TACR3: variants seen among roughly 807,000 people sequenced by gnomAD.
TACR3 encodes neuromedin-K receptor.
In TACR3, 34 loss-of-function variants were observed where a neutral mutation model predicts 35.0. That is an observed-to-expected ratio of 0.97 (90% CI 0.74 to 1.30). TACR3 has a LOEUF of 1.30. Among genes scored for constraint, TACR3 ranks in the 50% most tolerant of loss-of-function variants. The pLI is 0.00. For missense variants in TACR3, 558 were observed against 591.7 expected (o/e 0.94, Z 0.59); for synonymous variants, 233 against 221.1 (o/e 1.05, Z -0.48).
chr4:103,716,942 A>T (rs1258344825), intron 1 of TACR3, among the ~76,000 whole-genome samples: 1 of 152,172 alleles, frequency 6.6e-6, no homozygotes, highest in African/African-American at 2.4e-5. Context: ...ACCATGATTC[A>T]GTGTCAACCT....
intron 3 of TACR3, among the ~76,000 whole-genome samples, chr4:103,595,711 TC>T (rs953615088): frequency 2.0e-5 from 3 of 151,408 alleles, no homozygotes; most frequent in Non-Finnish European, 1.5e-5. Context: ...GGGGTCATAT[TC>T]TTTTTTTTTT....
intron 1 of TACR3, among the ~76,000 whole-genome samples, chr4:103,683,192 G>A (rs2110210809): frequency 6.6e-6 from 1 of 151,882 alleles, no homozygotes; most frequent in South Asian, 2.1e-4. Context: ...AAAAACCTGT[G>A]GGATTCAACT....
intron 3 of TACR3, among the ~76,000 whole-genome samples, chr4:103,605,656 C>T (rs1484778078): frequency 6.6e-6 from 1 of 152,060 alleles, no homozygotes; most frequent in African/African-American, 2.4e-5. Context: ...ATGTCCTTCA[C>T]CCACTTTTCG....
At chr4:103,652,647 C>T (rs775322110) in intron 3 of TACR3, among the ~76,000 whole-genome samples, 5 of 152,082 alleles carry the variant, frequency 3.3e-5, no homozygotes, top group African/African-American at 7.2e-5. Context: ...TTCTATTTGA[C>T]CATCCTGCTC....
intron 3 of TACR3, among the ~76,000 whole-genome samples, chr4:103,636,925 C>G (rs1414901290): frequency 6.6e-6 from 1 of 152,072 alleles, no homozygotes; most frequent in Non-Finnish European, 1.5e-5. Context: ...ATAACAGGCT[C>G]TGAAATTGTG....
At chr4:103,627,377 A>AG in intron 3 of TACR3, among the ~76,000 whole-genome samples, 2 of 139,014 alleles carry the variant, frequency 1.4e-5, no homozygotes, top group Admixed American at 7.3e-5. Context: ...AAAAAAAAAA[A>AG]GCTGGGCATG....
chr4:103,681,474 G>C (rs1722087989), intron 1 of TACR3, among the ~76,000 whole-genome samples: 1 of 151,946 alleles, frequency 6.6e-6, no homozygotes. Flanking sequence ...AAGTAAAATG[G>C]TAGAAAAAGA....
intron 3 of TACR3, among the ~76,000 whole-genome samples, chr4:103,600,352 C>T (rs1188134193): frequency 6.6e-6 from 1 of 151,996 alleles, no homozygotes; most frequent in Non-Finnish European, 1.5e-5. Flanking sequence ...CTCTTTTCTT[C>T]TTTATTAGTC....
At position 103,588,060 on chromosome 4, in the gene TACR3, T is replaced by C. The variant is rs1278498882; in HGVS notation, c.*1622A>G. On this transcript the variant is annotated 3_prime_UTR_variant, in exon 5 of 5. Coordinates refer to ENST00000304883, the MANE Select transcript of TACR3 (RefSeq NM_001059.3). Reference sequence around the variant, plus strand: ...AGCTGGAACACATATGTTTAGCTTGTTTAGACTCCGAACTTTTTGTAACAA... The same window carrying C: ...AGCTGGAACACATATGTTTAGCTTGCTTAGACTCCGAACTTTTTGTAACAA... The C allele has an allele frequency of 1.3e-5, 2 of 151,972 alleles. No individual in the cohort carries two copies. Among genetic ancestry groups the C allele is most frequent in the Admixed American group, 1.3e-4 (2 of 15,212 alleles). 9.4% of individuals were successfully genotyped at this position (151,972 alleles called of 1,614,324 possible).
At chr4:103,701,754 C>A (rs1722654558) in intron 1 of TACR3, among the ~76,000 whole-genome samples, 1 of 152,128 alleles carries the variant, frequency 6.6e-6, no homozygotes, top group Admixed American at 6.5e-5. Flanking sequence ...CACATATCTA[C>A]AACTATCTGA....
chr4:103,626,476 G>C (rs1014253090), intron 3 of TACR3, among the ~76,000 whole-genome samples: 16 of 152,138 alleles, frequency 1.1e-4, no homozygotes, highest in African/African-American at 3.6e-4. Context: ...GGTGTAACCA[G>C]CTAAGGGCCT....
At chr4:103,603,445 A>C (rs969379983) in intron 3 of TACR3, among the ~76,000 whole-genome samples, 1 of 152,142 alleles carries the variant, frequency 6.6e-6, no homozygotes, top group African/African-American at 2.4e-5. Context: ...TGAACCCGGT[A>C]CCTCAGTTGG....
chr4:103,589,600 A>G lies in TACR3; in HGVS notation c.*82T>C. ...TTTCTGTTTCTAGAGGGTATATAGG[A>G]CAGGACTGGTAAATAGGAGAATGGG... On this transcript the variant is annotated 3_prime_UTR_variant, in exon 5 of 5. Coordinates refer to ENST00000304883, the MANE Select transcript of TACR3 (RefSeq NM_001059.3). The G allele has an allele frequency of 6.5e-7, 1 of 1,533,766 alleles. No individual in the cohort carries two copies. The highest frequency in any genetic ancestry group is 9.0e-7 in the Non-Finnish European group (1 of 1,111,238).
chr4:103,638,779 G>A (rs1019270348), intron 3 of TACR3, among the ~76,000 whole-genome samples: 24 of 152,084 alleles, frequency 1.6e-4, no homozygotes, highest in Admixed American at 7.2e-4. Flanking sequence ...AGTGGGCAAA[G>A]GATATGAACA....
At chr4:103,631,814 A>G (rs946644770) in intron 3 of TACR3, among the ~76,000 whole-genome samples, 1 of 152,198 alleles carries the variant, frequency 6.6e-6, no homozygotes, top group African/African-American at 2.4e-5. Context: ...CACTGAGAAG[A>G]CAATGGTGAG....
At chr4:103,650,817 TTATATA>T (rs1725595832) in intron 3 of TACR3, among the ~76,000 whole-genome samples, 2 of 7,820 alleles carry the variant, frequency 2.6e-4, no homozygotes, top group Non-Finnish European at 3.9e-4. Context: ...TAATAATATA[TTATATA>T]ATAATATATA....
At chr4:103,715,257 A>G (rs1275540562) in intron 1 of TACR3, among the ~76,000 whole-genome samples, 5 of 152,124 alleles carry the variant, frequency 3.3e-5, no homozygotes, top group Non-Finnish European at 2.9e-5. Context: ...TGATTGGATC[A>G]TGGGGTGGAT....
chr4:103,633,991 T>C (rs540911395), intron 3 of TACR3, among the ~76,000 whole-genome samples: 1 of 152,222 alleles, frequency 6.6e-6, no homozygotes, highest in African/African-American at 2.4e-5. Context: ...AAATTCATCT[T>C]CTGCTCACAA....
chr4:103,609,666 A>G (rs1287991340), intron 3 of TACR3, among the ~76,000 whole-genome samples: 3 of 152,082 alleles, frequency 2.0e-5, no homozygotes, highest in African/African-American at 7.2e-5. Flanking sequence ...ATTGTTGACT[A>G]TAGACAACCT....
Sources: allele counts gnomAD v4.1 joint callset (sites outside exome capture counted in the v4.1 genomes callset), GRCh38; gene constraint gnomAD v4.1.1; transcripts MANE v1.5; gene names NCBI Gene and HGNC (gene_info 2026-07-23, HGNC 2026-07-21).